PLS3: variants seen among roughly 807,000 people sequenced by gnomAD.
PLS3 encodes plastin 3, also known as plastin-3.
PLS3 carries 11 observed loss-of-function variants against 46.5 expected under a neutral mutation model. That is an observed-to-expected ratio of 0.24 (90% CI 0.15 to 0.39). PLS3 has a LOEUF of 0.39. Ranked by LOEUF, PLS3 falls within the 10% of genes least tolerant of loss-of-function variation. The pLI, the probability that PLS3 is intolerant of heterozygous loss-of-function variation, is 1.00. For missense variants in PLS3, 308 were observed against 461.8 expected, an observed-to-expected ratio of 0.67 and a Z score of 3.05; for synonymous variants, 167 against 162.2, an observed-to-expected ratio of 1.03 and a Z score of -0.22.
intron 1 of PLS3, among the ~76,000 whole-genome samples, chrX:115,564,411 A>G (rs972515032): frequency 1.8e-5 from 2 of 112,372 alleles, no homozygotes; most frequent in African/African-American, 6.5e-5. Context: ...TTACACGCAC[A>G]TTAGACTTTG....
At chrX:115,641,245 T>G (rs1185090053) in intron 9 of PLS3, among the ~76,000 whole-genome samples, 2 of 87,077 alleles carry the variant, frequency 2.3e-5, no homozygotes, top group Non-Finnish European at 4.3e-5. Context: ...TTTTTTTTTT[T>G]GAGACAGAGT....
intron 7 of PLS3, among the ~76,000 whole-genome samples, chrX:115,635,376 TC>T (rs1254470425): frequency 9.1e-6 from 1 of 110,411 alleles, no homozygotes; most frequent in Non-Finnish European, 1.9e-5. Flanking sequence ...CACCCTCAGC[TC>T]CACCATTTTG....
intron 1 of PLS3, among the ~76,000 whole-genome samples, chrX:115,565,980 A>G (rs1556630055): frequency 1.8e-5 from 2 of 112,274 alleles, no homozygotes; most frequent in African/African-American, 6.5e-5. Flanking sequence ...CAGATAGATG[A>G]TCTTAAGTAA....
intron 1 of PLS3, among the ~76,000 whole-genome samples, chrX:115,585,830 C>T (rs1379227510): frequency 9.0e-6 from 1 of 110,903 alleles, no homozygotes; most frequent in South Asian, 3.8e-4. Flanking sequence ...TAAAATAATC[C>T]GCATATTGTT....
intron 1 of PLS3, among the ~76,000 whole-genome samples, chrX:115,570,517 T>G (rs1385941186): frequency 9.9e-6 from 1 of 100,809 alleles, no homozygotes; most frequent in African/African-American, 3.8e-5. Flanking sequence ...TTTTTTTTTT[T>G]TTTTTGGACA....
intron 8 of PLS3, among the ~76,000 whole-genome samples, chrX:115,638,108 T>C (rs1022642895): frequency 1.0e-4 from 10 of 95,264 alleles, no homozygotes; most frequent in African/African-American, 3.2e-4. Flanking sequence ...CCAAGCCCGA[T>C]TGATTTTTTT....
At chrX:115,577,218 A>T (rs1478842094) in intron 1 of PLS3, among the ~76,000 whole-genome samples, 1 of 111,646 alleles carries the variant, frequency 9.0e-6, no homozygotes, top group Non-Finnish European at 1.9e-5. Context: ...ACTCTCTGAA[A>T]CTCATATCAC....
intron 1 of PLS3, among the ~76,000 whole-genome samples, chrX:115,575,935 T>G (rs114000280): frequency 0.031 from 3,434 of 111,864 alleles, 143 homozygotes; most frequent in African/African-American, 0.11. Context: ...ATCACATTTT[T>G]TGAACACTAA....
chrX:115,630,827 G>A (rs1291110901), intron 5 of PLS3, among the ~76,000 whole-genome samples: 3 of 88,416 alleles, frequency 3.4e-5, no homozygotes, highest in African/African-American at 8.7e-5. Flanking sequence ...TATAATACAT[G>A]TATATATGTA....
chrX:115,623,923 A>G (rs2147520582), intron 3 of PLS3, among the ~76,000 whole-genome samples: 1 of 112,196 alleles, frequency 8.9e-6, no homozygotes, highest in South Asian at 3.7e-4. Flanking sequence ...GCATTTTGTG[A>G]TTGTTTTTAA....
chrX:115,623,023 C>T (rs950149563), intron 3 of PLS3, among the ~76,000 whole-genome samples: 1 of 111,217 alleles, frequency 9.0e-6, no homozygotes, highest in Non-Finnish European at 1.9e-5. Flanking sequence ...TTCACCCCCC[C>T]ACCCCACTCC....
intron 2 of PLS3, among the ~76,000 whole-genome samples, chrX:115,619,809 T>C (rs138015722): frequency 0.038 from 4,275 of 112,266 alleles, 202 homozygotes; most frequent in African/African-American, 0.13. Flanking sequence ...AGGAGGTTGA[T>C]GCTGCAGTGA....
chrX:115,567,735 A>G (rs2074186360), intron 1 of PLS3, among the ~76,000 whole-genome samples: 1 of 81,056 alleles, frequency 1.2e-5, no homozygotes, highest in African/African-American at 5.0e-5. Context: ...TTTTTGAGTC[A>G]GGTTCTCACT....
At chrX:115,609,276 T>C (rs983293727) in intron 1 of PLS3, among the ~76,000 whole-genome samples, 2 of 110,808 alleles carry the variant, frequency 1.8e-5, no homozygotes, top group Non-Finnish European at 3.8e-5. Context: ...ATCAGCAAAG[T>C]TTTTCCATAT....
intron 1 of PLS3, among the ~76,000 whole-genome samples, chrX:115,588,957 AT>A (rs1298743023): frequency 1.1e-4 from 12 of 111,727 alleles, no homozygotes; most frequent in Non-Finnish European, 2.3e-4. Flanking sequence ...TAAAGAGCTA[AT>A]AAATACTATC....
At chrX:115,596,659 A>C (rs2074391791) in intron 1 of PLS3, among the ~76,000 whole-genome samples, 1 of 110,851 alleles carries the variant, frequency 9.0e-6, no homozygotes. Context: ...CCACATGGTG[A>C]AACCCCGTCT....
Position 115,647,997 on chromosome X carries a change from T to C in PLS3, c.1740T>C (p.Asp580=), listed in dbSNP as rs145393426. 1.7e-6 allele frequency: 2 copies of C among 1,201,959 alleles called. No individual in the cohort carries two copies. Among genetic ancestry groups the C allele is most frequent in the Non-Finnish European group, 2.3e-6 (2 of 886,958 alleles). The change falls in exon 15 of 16, where the codon GAT becomes GAC. Residue 580 remains aspartate, a synonymous_variant. Transcript: ENST00000355899. ...DLVKSGNLTE[D]DKHNNAKYAV... ...TGAAGAGTGGCAATCTAACAGAAGATGACAAGCACAATAATGCCAAGTAAG... is the reference window on the plus strand; with the variant it reads ...TGAAGAGTGGCAATCTAACAGAAGACGACAAGCACAATAATGCCAAGTAAG...
At chrX:115,565,073 G>T (rs1197424450) in intron 1 of PLS3, among the ~76,000 whole-genome samples, 1 of 111,733 alleles carries the variant, frequency 8.9e-6, no homozygotes, top group Non-Finnish European at 1.9e-5. Flanking sequence ...TTACAATGTT[G>T]GAAGATTTTT....
intron 1 of PLS3, among the ~76,000 whole-genome samples, chrX:115,603,872 T>C (rs782797421): frequency 8.9e-6 from 1 of 112,413 alleles, no homozygotes; most frequent in South Asian, 3.7e-4. Context: ...AATCACATAT[T>C]GTGAAATCGG....
Sources: gnomAD v4.1 joint callset for allele counts (sites outside exome capture counted in the v4.1 genomes callset) on GRCh38, gnomAD v4.1.1 for gene constraint, MANE v1.5 for transcripts, NCBI Gene and HGNC (gene_info 2026-07-23, HGNC 2026-07-21) for gene names.